Variants in TUBGCP6 observed in about 807,000 individuals in gnomAD.
TUBGCP6 encodes tubulin gamma complex component 6, also known as gamma-tubulin complex component 6.
TUBGCP6 carries 161 observed loss-of-function variants against 175.8 expected under a neutral mutation model. That is an observed-to-expected ratio of 0.92 (90% CI 0.81 to 1.04). The LOEUF (loss-of-function observed/expected upper bound fraction) is 1.04. Ranked by LOEUF, TUBGCP6 falls within the 50% of genes least tolerant of loss-of-function variation. The probability of loss-of-function intolerance (pLI) is 0.00; values close to 1 mark genes in which losing one functional copy is unlikely to be tolerated. For synonymous variants in TUBGCP6, 1,173 were observed against 1,030.5 expected (o/e 1.14, Z -2.65); for missense variants, 2,572 against 2,433.0 (o/e 1.06, Z -1.20).
chr22:50,240,662 G>A (rs564162642), intron 1 of TUBGCP6, among the ~76,000 whole-genome samples: 4 of 152,116 alleles, frequency 2.6e-5, no homozygotes, highest in Non-Finnish European at 5.9e-5. Context: ...GGGGAACCCA[G>A]AATTAAAAAA....
At position 50,221,518 on chromosome 22, in the gene TUBGCP6, C is replaced by A; in HGVS notation, c.2841G>T (p.Arg947Ser). 1 of 1,584,582 alleles carries A rather than the reference C, an allele frequency of 6.3e-7. No homozygotes were observed. Among genetic ancestry groups the A allele is most frequent in the Non-Finnish European group, 8.6e-7 (1 of 1,164,384 alleles). Reference protein sequence around the residue: ...APAAASTQPSRPQEYDFSTVL... With the variant: ...APAAASTQPSSPQEYDFSTVL... ...CAGTACTAAAGTCGTACTCCTGTGG[C>A]CTGGAGGGCTGAGTGCTGGCTGCTG... is the stretch of plus-strand genomic sequence containing the variant. Residue 947 changes from arginine (R) to serine (S), a missense_variant, in exon 16 of 25, where the codon AGG becomes AGT. Arg to Ser is a moderately radical substitution (Grantham distance 110, BLOSUM62 -1). Coordinates refer to ENST00000248846, the MANE Select transcript of TUBGCP6 (RefSeq NM_020461.4).
intron 1 of TUBGCP6, 87 bp downstream of exon 1, chr22:50,243,632 A>AAAAAG: frequency 2.1e-6 from 2 of 953,116 alleles, no homozygotes; most frequent in East Asian, 3.0e-5. Context: ...AAAAAAAAAA[A>AAAAAG]AAGAAGAAGA....
At chr22:50,224,022 A>G in intron 13 of TUBGCP6, 119 bp downstream of exon 13, 1 of 875,504 alleles carries the variant, frequency 1.1e-6, no homozygotes, top group Non-Finnish European at 1.8e-6. Flanking sequence ...TGGTCTTTCT[A>G]CCTTAATGTA....
At position 50,221,271 on chromosome 22, in the gene TUBGCP6, A is replaced by C. The variant is rs112715789; in HGVS notation, c.3088T>G (p.Ser1030Ala). The C allele has an allele frequency of 6.8e-6, 11 of 1,613,976 alleles. No individual in the cohort carries two copies. The highest frequency in any genetic ancestry group is 2.7e-5 in the African/African-American group (2 of 75,050). ...QPTERLFGQVSGGGLPTGDYA... is the reference protein window; with the variant it reads ...QPTERLFGQVAGGGLPTGDYA... ...TCCCCTGTGGGAAGACCACCCCCTGACACCTGCCCAAAGAGCCGCTCTGTG... is the reference window on the plus strand; with the variant it reads ...TCCCCTGTGGGAAGACCACCCCCTGCCACCTGCCCAAAGAGCCGCTCTGTG... The change falls in exon 16 of 25, where the codon TCA becomes GCA. Residue 1030 changes from serine (S) to alanine (A), a missense_variant. Transcript: ENST00000248846.
Position 50,233,307 on chromosome 22 carries a change from A to T in TUBGCP6, c.1116+9T>A. 1 of 1,608,902 alleles carries T rather than the reference A, an allele frequency of 6.2e-7. No individual in the cohort carries two copies. The highest frequency in any genetic ancestry group is 8.5e-7 in the Non-Finnish European group (1 of 1,177,180). On this transcript the variant is annotated intron_variant, in intron 3 of 24. Transcript: ENST00000248846. ...CACACCACTGTGGCGGGGAGTGAGC[A>T]GTTCTCACCTGGCAGAGCGAAAACG...
In TUBGCP6 at chr22:50,220,366, G is replaced by A; in HGVS notation, c.3993C>T (p.Ser1331=). ...TCCCCTCCCCGCAGCCCGAGCTGGG[G>A]GAGGACAGAGATGGCCCCACTTCTA... The part of the protein sequence containing the change: ...LPVEVGPSLS[S]PSSGCGEGSI... The change falls in exon 16 of 25, where the codon TCC becomes TCT. Residue 1331 remains serine (S), a synonymous_variant. Coordinates refer to ENST00000248846, the MANE Select transcript of TUBGCP6 (RefSeq NM_020461.4). 6.4e-7 allele frequency: 1 copy of A among 1,565,226 alleles called. No homozygotes were observed. Among genetic ancestry groups the A allele is most frequent in the Non-Finnish European group, 8.7e-7 (1 of 1,151,554 alleles).
chr22:50,233,976 T>A (rs1352620549), intron 2 of TUBGCP6, among the ~76,000 whole-genome samples: 1 of 150,758 alleles, frequency 6.6e-6, no homozygotes, highest in African/African-American at 2.4e-5. Context: ...CATGGCAGCA[T>A]CCACATCCCT....
intron 2 of TUBGCP6, among the ~76,000 whole-genome samples, chr22:50,237,140 C>A (rs1267436187): frequency 6.6e-6 from 1 of 152,226 alleles, no homozygotes; most frequent in Non-Finnish European, 1.5e-5. Flanking sequence ...CCGCCTTAAC[C>A]CAGCCCTTGC....
At chr22:50,237,538 C>G (rs576602381) in intron 2 of TUBGCP6, among the ~76,000 whole-genome samples, 2 of 152,214 alleles carry the variant, frequency 1.3e-5, no homozygotes, top group Non-Finnish European at 2.9e-5. Context: ...CCACTGGACA[C>G]TGAGATGACC....
chr22:50,224,121 T>TGGAGCCC lies in TUBGCP6; in HGVS notation c.2270+13_2270+19dup. On this transcript the variant is annotated intron_variant, in intron 13 of 24. Coordinates refer to ENST00000248846, the MANE Select transcript of TUBGCP6 (RefSeq NM_020461.4). ...CCCTGCCGCACTGCACCCCTGGGCC[T>TGGAGCCC]GGAGCCCGGGCTGCCCTACCTCGCC... 1 of 1,608,422 alleles carries TGGAGCCC rather than the reference T, an allele frequency of 6.2e-7. No homozygotes were observed. Among genetic ancestry groups the TGGAGCCC allele is most frequent in the African/African-American group, 1.3e-5 (1 of 74,990 alleles).
At chr22:50,228,982 C>T (rs1419292373) in intron 4 of TUBGCP6, among the ~76,000 whole-genome samples, 1 of 152,192 alleles carries the variant, frequency 6.6e-6, no homozygotes, top group Non-Finnish European at 1.5e-5. Context: ...TCAAGACTCA[C>T]CAAACAGCAG....
intron 18 of TUBGCP6, 91 bp from the exon 19 acceptor site, chr22:50,219,547 G>C (rs2064480072): frequency 6.3e-7 from 1 of 1,586,038 alleles, no homozygotes; most frequent in Non-Finnish European, 8.6e-7. Context: ...CTGGGAACTG[G>C]CTAGCCCAGG....
chr22:50,224,623 C>A (rs1203707056), intron 10 of TUBGCP6, 31 bp from the exon 11 acceptor site: 1 of 1,609,812 alleles, frequency 6.2e-7, no homozygotes, highest in Non-Finnish European at 8.5e-7. Flanking sequence ...TCAAAGCATC[C>A]TGGCCGGGCG....
chr22:50,217,709 A>T lies in TUBGCP6; in HGVS notation c.*27T>A. ...GCAGACAGGGTCCGAGAACACCTTT[A>T]TTGTGCACGTCCCCCGCAGAGCAGC... On this transcript the variant is annotated 3_prime_UTR_variant, in exon 25 of 25. Transcript: ENST00000248846. 1 of 1,607,322 alleles carries T rather than the reference A, an allele frequency of 6.2e-7. No individual in the cohort carries two copies. Among genetic ancestry groups the T allele is most frequent in the Non-Finnish European group, 8.5e-7 (1 of 1,175,572 alleles).
At chr22:50,222,837 T>C (rs1350762604) in intron 13 of TUBGCP6, 1 of 495,154 alleles carries the variant, frequency 2.0e-6, no homozygotes, top group African/African-American at 1.9e-5. Context: ...CTCAGCAACA[T>C]CTGCTGGACA....
rs2053782767 is a variant in TUBGCP6, at chr22:50,219,067, C to T, written c.4626+1G>A. On this transcript the variant is annotated splice_donor_variant, in intron 20 of 24. Coordinates refer to ENST00000248846, the MANE Select transcript of TUBGCP6 (RefSeq NM_020461.4). LOFTEE classifies it high-confidence loss of function. ...GGCCCCACCCCGTGTCCGGAGGCCA[C>T]CTTCTCAAAGAGCAGGTCGCTGAGG... The T allele has an allele frequency of 9.9e-6, 16 of 1,612,030 alleles. No individual in the cohort carries two copies. The highest frequency in any genetic ancestry group is 1.2e-5 in the Non-Finnish European group (14 of 1,179,914).
intron 6 of TUBGCP6, 45 bp from the exon 7 acceptor site, chr22:50,226,887 G>T: frequency 6.4e-7 from 1 of 1,557,142 alleles, no homozygotes; most frequent in South Asian, 1.2e-5. Context: ...CGCACCCAGC[G>T]CTGGGAGTGA....
chr22:50,240,287 G>A lies in TUBGCP6; in HGVS notation c.822C>T (p.Pro274=). The change falls in exon 2 of 25, where the codon CCC becomes CCT. Residue 274 remains proline, a synonymous_variant. Coordinates refer to ENST00000248846, the MANE Select transcript of TUBGCP6 (RefSeq NM_020461.4). ...ACAGGTCCACGTCTGGGGTCACGCT[G>A]GGCTCAGACTGGGAATCAGGAGTCA... ...SNLTPDSQSE[P]SVTPDVDLWE... is the part of the protein sequence containing the mutation. The A allele has an allele frequency of 6.2e-7, 1 of 1,613,976 alleles. No homozygotes were observed. The highest frequency in any genetic ancestry group is 8.5e-7 in the Non-Finnish European group (1 of 1,180,024).
Position 50,243,921 on chromosome 22 carries a change from T to C in TUBGCP6, c.539A>G (p.Gln180Arg), listed in dbSNP as rs371942269. 3 of 1,613,982 alleles carry C rather than the reference T, an allele frequency of 1.9e-6. No individual in the cohort carries two copies. Among genetic ancestry groups the C allele is most frequent in the Non-Finnish European group, 2.5e-6 (3 of 1,180,048 alleles). Residue 180 changes from glutamine to arginine, a missense_variant, in exon 1 of 25, where the codon CAG (glutamine) becomes CGG (arginine). By Grantham distance (43) the Gln-to-Arg change is conservative. Transcript: ENST00000248846. ...LCHSMIQETL[Q>R]VMEAAPGTGL... ...AGTGCCTGGAGCAGCCTCCATAACC[T>C]GAAGTGTTTCCTGGATCATGCTGTG...
Sources: allele counts gnomAD v4.1 joint callset (sites outside exome capture counted in the v4.1 genomes callset), GRCh38; gene constraint gnomAD v4.1.1; transcripts MANE v1.5; gene names NCBI Gene and HGNC (gene_info 2026-07-23, HGNC 2026-07-21).